Variants in OSBPL6 observed in about 807,000 individuals in gnomAD.
The protein encoded by OSBPL6 is oxysterol binding protein like 6, also known as oxysterol-binding protein-related protein 6.
A neutral mutation model predicts 125.8 loss-of-function variants in OSBPL6; 49 were observed. That is an observed-to-expected ratio of 0.39 (90% confidence interval 0.31 to 0.49). The LOEUF (loss-of-function observed/expected upper bound fraction) is 0.49. OSBPL6 is among the 20% of genes least tolerant of loss of function. The pLI is 0.88. For synonymous variants in OSBPL6, 394 were observed against 391.8 expected (o/e 1.01, Z -0.07); for missense variants, 986 against 1,135.4 (o/e 0.87, Z 1.89).
intron 1 of OSBPL6, among the ~76,000 whole-genome samples, chr2:178,256,010 CA>C (rs1049494482): frequency 2.2e-4 from 34 of 152,292 alleles, no homozygotes; most frequent in African/African-American, 7.5e-4. Flanking sequence ...AAATCGAAGT[CA>C]GGGGCAAACA....
intron 18 of OSBPL6, among the ~76,000 whole-genome samples, chr2:178,384,591 T>C (rs575337646): frequency 1.3e-5 from 2 of 152,292 alleles, no homozygotes; most frequent in South Asian, 4.1e-4. Context: ...ACAATTTACA[T>C]GTGAGAGGGT....
chr2:178,364,911 G>C (rs1430039480), intron 13 of OSBPL6, among the ~76,000 whole-genome samples: 1 of 152,214 alleles, frequency 6.6e-6, no homozygotes, highest in African/African-American at 2.4e-5. Flanking sequence ...GCCGGGCGCG[G>C]TGGCTCAAAA....
Position 178,396,178 on chromosome 2 carries a change from C to T in OSBPL6, c.*619C>T, listed in dbSNP as rs571378073. The stretch of plus-strand genomic sequence containing the variant: ...TGTGCTCATAGGTTTATGTGAAGAA[C>T]AGATTTTTTGAATCATGGCATGATT... On this transcript the variant is annotated 3_prime_UTR_variant, in exon 25 of 25. Transcript: ENST00000190611. 1 of 160,686 alleles carries T rather than the reference C, an allele frequency of 6.2e-6. No homozygotes were observed. Among genetic ancestry groups the T allele is most frequent in the South Asian group, 1.7e-4 (1 of 5,914 alleles). The allele number at this position is 160,686 out of a possible 1,614,324, so 10.0% of individuals were successfully genotyped here. A position where few individuals can be genotyped will look rare whatever the true frequency, so the allele number is the denominator to read the frequency against.
At chr2:178,219,457 A>G (rs561482978) in intron 1 of OSBPL6, among the ~76,000 whole-genome samples, 1 of 152,288 alleles carries the variant, frequency 6.6e-6, no homozygotes, top group South Asian at 2.1e-4. Context: ...GTTCCATAAC[A>G]ATTGGGTTTG....
chr2:178,227,532 A>T (rs1160936113), intron 1 of OSBPL6, among the ~76,000 whole-genome samples: 1 of 152,236 alleles, frequency 6.6e-6, no homozygotes, highest in African/African-American at 2.4e-5. Flanking sequence ...CATATAAAAA[A>T]CTTGGGAAAA....
intron 2 of OSBPL6, among the ~76,000 whole-genome samples, chr2:178,290,493 C>A (rs1685156710): frequency 6.7e-6 from 1 of 148,560 alleles, no homozygotes; most frequent in Non-Finnish European, 1.5e-5. Context: ...CCCTTTCAAC[C>A]TGGCTCCTGT....
chr2:178,304,769 C>G (rs1273977040), intron 2 of OSBPL6, among the ~76,000 whole-genome samples: 5 of 152,188 alleles, frequency 3.3e-5, no homozygotes, highest in African/African-American at 1.2e-4. Context: ...AGGGACTGGT[C>G]TCTGCATTTC....
At chr2:178,355,217 G>T (rs1449374381) in intron 12 of OSBPL6, among the ~76,000 whole-genome samples, 1 of 152,042 alleles carries the variant, frequency 6.6e-6, no homozygotes, top group Non-Finnish European at 1.5e-5. Context: ...ACTAGCAGAA[G>T]GCACGAAATA....
intron 11 of OSBPL6, among the ~76,000 whole-genome samples, chr2:178,344,588 T>C (rs1428557180): frequency 6.6e-6 from 1 of 152,212 alleles, no homozygotes; most frequent in African/African-American, 2.4e-5. Context: ...TCTTCTACTA[T>C]ACATGAAGAC....
At chr2:178,339,563 A>G (rs528354457) in intron 10 of OSBPL6, 109 bp from the exon 11 acceptor site, 3 of 746,296 alleles carry the variant, frequency 4.0e-6, no homozygotes, top group South Asian at 3.6e-5. Context: ...TGGTTTGCTT[A>G]TAGGCTCTAA....
chr2:178,228,405 T>G (rs145307402), intron 1 of OSBPL6, among the ~76,000 whole-genome samples: 1,545 of 152,202 alleles, frequency 0.01, 18 homozygotes, highest in African/African-American at 0.028. Flanking sequence ...TGTGGTGGCG[T>G]GCGCCTGTAG....
intron 1 of OSBPL6, among the ~76,000 whole-genome samples, chr2:178,220,612 T>G (rs1240819664): frequency 6.6e-6 from 1 of 152,210 alleles, no homozygotes; most frequent in East Asian, 1.9e-4. Flanking sequence ...AGCCAAAAAG[T>G]GAATAGTGTT....
intron 20 of OSBPL6, among the ~76,000 whole-genome samples, chr2:178,388,380 C>T (rs1357900546): frequency 6.6e-6 from 1 of 152,146 alleles, no homozygotes; most frequent in African/African-American, 2.4e-5. Context: ...TGGAATCCTG[C>T]GGTGGCCCAT....
chr2:178,395,950 T>C lies in OSBPL6; in HGVS notation c.*391T>C. 3 of 369,518 alleles carry C rather than the reference T, an allele frequency of 8.1e-6. No individual in the cohort carries two copies. Among genetic ancestry groups the C allele is most frequent in the South Asian group, 6.5e-5 (3 of 46,124 alleles). The allele number at this position is 369,518 out of a possible 1,614,324, so 22.9% of individuals were successfully genotyped here. A position where few individuals can be genotyped will look rare whatever the true frequency, so the allele number is the denominator to read the frequency against. On this transcript the variant is annotated 3_prime_UTR_variant, in exon 25 of 25. Transcript: ENST00000190611. ...TAGAAACCACACGATTGTTCCACTG[T>C]CTGGAAGCACCATCCCCTATCGCAG...
chr2:178,281,241 G>C (rs2154030614), intron 1 of OSBPL6, among the ~76,000 whole-genome samples: 1 of 152,194 alleles, frequency 6.6e-6, no homozygotes, highest in South Asian at 2.1e-4. Context: ...TCAAATGCTT[G>C]ACCTCAGGTG....
At chr2:178,369,248 G>T (rs924656325) in intron 13 of OSBPL6, among the ~76,000 whole-genome samples, 7 of 152,172 alleles carry the variant, frequency 4.6e-5, no homozygotes, top group Admixed American at 1.3e-4. Context: ...CCATCCCAAT[G>T]AATGCCAAAG....
chr2:178,401,906 G>A lies in OSBPL6; in HGVS notation c.*6347G>A, dbSNP rs1217541486. 3.9e-5 allele frequency: 6 copies of A among 151,978 alleles called. No individual in the cohort carries two copies. Among genetic ancestry groups the A allele is most frequent in the Admixed American group, 3.9e-4 (6 of 15,248 alleles). The allele number at this position is 151,978 out of a possible 1,614,324, so 9.4% of individuals were successfully genotyped here. A position where few individuals can be genotyped will look rare whatever the true frequency, so the allele number is the denominator to read the frequency against. ...CCCTGTGCCTCAGTCTTTTTTGTTT[G>A]TTTTTTTTCATGTGACACTCAGTAG... On this transcript the variant is annotated 3_prime_UTR_variant, in exon 25 of 25. Coordinates refer to ENST00000190611, the MANE Select transcript of OSBPL6 (RefSeq NM_032523.4).
At chr2:178,385,754 G>T (rs976362800) in intron 19 of OSBPL6, among the ~76,000 whole-genome samples, 1 of 152,208 alleles carries the variant, frequency 6.6e-6, no homozygotes, top group African/African-American at 2.4e-5. Flanking sequence ...GAATAGCAGA[G>T]CTCCATGCGG....
intron 2 of OSBPL6, among the ~76,000 whole-genome samples, chr2:178,286,852 G>A (rs576371019): frequency 6.6e-6 from 1 of 152,294 alleles, no homozygotes; most frequent in African/African-American, 2.4e-5. Flanking sequence ...AGAGCTTTTA[G>A]CATTGAGAAA....
Sources: gnomAD v4.1 joint callset for allele counts (sites outside exome capture counted in the v4.1 genomes callset) on GRCh38, gnomAD v4.1.1 for gene constraint, MANE v1.5 for transcripts, NCBI Gene and HGNC (gene_info 2026-07-23, HGNC 2026-07-21) for gene names.